The following SMC1B variants were observed in gnomAD, a reference collection of about 807,000 sequenced individuals.
SMC1B encodes the protein structural maintenance of chromosomes protein 1B.
In SMC1B, 60 loss-of-function variants were observed where a neutral mutation model predicts 157.9. The observed-to-expected ratio is 0.38, with a 90% confidence interval of 0.31 to 0.47. The LOEUF (loss-of-function observed/expected upper bound fraction) is 0.47. SMC1B is among the 20% of genes least tolerant of loss of function. SMC1B has a pLI of 0.99. For synonymous variants in SMC1B, 445 were observed against 483.0 expected (o/e 0.92, Z 1.03); for missense variants, 1,165 against 1,426.2 (o/e 0.82, Z 2.95).
At chr22:45,362,860 A>G in intron 16 of SMC1B, 25 bp downstream of exon 16, 1 of 1,573,412 alleles carries the variant, frequency 6.4e-7, no homozygotes, top group Non-Finnish European at 8.6e-7. Flanking sequence ...ATGAAGAGGC[A>G]CTTCAGCTAC....
chr22:45,372,171 A>C lies in SMC1B; in HGVS notation c.2180T>G (p.Leu727Arg), dbSNP rs2086839283. The part of the protein sequence containing the change: ...NELEMIKKKH[L>R]VAFYQEQSQL... ...CTATATTACCTGGTAAAAAGCAACAAGGTGCTTCTTCTTAATCATCTCTAG... is the reference window on the plus strand; with the variant it reads ...CTATATTACCTGGTAAAAAGCAACACGGTGCTTCTTCTTAATCATCTCTAG... Residue 727 changes from leucine (L) to arginine (R), a missense_variant, in exon 13 of 25, where the codon CTT (leucine) becomes CGT (arginine). Physicochemically the swap from Leu to Arg is moderately radical, Grantham distance 102. Coordinates refer to ENST00000357450, the MANE Select transcript of SMC1B (RefSeq NM_148674.5). 3 of 1,606,928 alleles carry C rather than the reference A, an allele frequency of 1.9e-6. No homozygotes were observed. The highest frequency in any genetic ancestry group is 2.5e-6 in the Non-Finnish European group (3 of 1,177,798).
rs867213003 is a variant in SMC1B at position 45,406,786 on chromosome 22, T to C, written c.378A>G (p.Ile126Met). The C allele has an allele frequency of 6.3e-7, 1 of 1,596,052 alleles. No homozygotes were observed. Among genetic ancestry groups the C allele is most frequent in the South Asian group, 1.2e-5 (1 of 86,622 alleles). ...VYIAELEKIGIIVKAQNCLVF... is the reference protein window; with the variant it reads ...VYIAELEKIGMIVKAQNCLVF... ...CCAAACAATTTTGTGCTTTGACTAT[T>C]ATGCCTATCTTTTCCAACTCTGCAA... is the stretch of plus-strand genomic sequence containing the variant. Residue 126 changes from isoleucine to methionine, a missense_variant, in exon 3 of 25, where the codon ATA becomes ATG. Coordinates refer to ENST00000357450, the MANE Select transcript of SMC1B (RefSeq NM_148674.5).
chr22:45,409,331 A>T (rs1372683110), intron 1 of SMC1B, among the ~76,000 whole-genome samples: 1 of 152,204 alleles, frequency 6.6e-6, no homozygotes, highest in African/African-American at 2.4e-5. Flanking sequence ...TGGCAGGCCA[A>T]GGTGAGCAGA....
chr22:45,363,549 C>T (rs1320806238), intron 15 of SMC1B, among the ~76,000 whole-genome samples: 11 of 152,016 alleles, frequency 7.2e-5, no homozygotes, highest in East Asian at 1.9e-4. Flanking sequence ...GGCTTGGTGG[C>T]GTGTACCTAC....
chr22:45,364,131 G>A (rs932075850), intron 15 of SMC1B, among the ~76,000 whole-genome samples: 1 of 152,110 alleles, frequency 6.6e-6, no homozygotes, highest in Non-Finnish European at 1.5e-5. Context: ...TTACAGGCAT[G>A]AGCCACCGCG....
intron 5 of SMC1B, among the ~76,000 whole-genome samples, chr22:45,400,641 T>C (rs1192247532): frequency 2.6e-5 from 4 of 152,154 alleles, no homozygotes; most frequent in Non-Finnish European, 4.4e-5. Context: ...GGGCTAAGCA[T>C]AGTGACTTCC....
chr22:45,403,450 C>T (rs935240729), intron 4 of SMC1B, among the ~76,000 whole-genome samples: 1 of 151,072 alleles, frequency 6.6e-6, no homozygotes, highest in Non-Finnish European at 1.5e-5. Flanking sequence ...ATCCCTGATC[C>T]TGTTTGTTTG....
intron 9 of SMC1B, among the ~76,000 whole-genome samples, chr22:45,392,539 C>G (rs1358169412): frequency 6.7e-6 from 1 of 148,900 alleles, no homozygotes; most frequent in East Asian, 2.0e-4. Context: ...ATTGGGGGAT[C>G]TAGATTTTGT....
chr22:45,384,705 G>A (rs2086972541), intron 11 of SMC1B, among the ~76,000 whole-genome samples: 1 of 149,262 alleles, frequency 6.7e-6, no homozygotes, highest in African/African-American at 2.5e-5. Context: ...GGGTGACAGA[G>A]CAAGACTCCA....
chr22:45,358,857 T>G, intron 18 of SMC1B, 62 bp from the exon 19 acceptor site: 3 of 1,094,736 alleles, frequency 2.7e-6, no homozygotes, highest in Non-Finnish European at 4.1e-6. Flanking sequence ...TGGGAGTGGT[T>G]CATGGCACTC....
chr22:45,364,824 C>CTTTTTTT (rs202166311), intron 15 of SMC1B, among the ~76,000 whole-genome samples: 6 of 105,508 alleles, frequency 5.7e-5, no homozygotes, highest in Admixed American at 1.0e-4. Context: ...ATCTCTTTTC[C>CTTTTTTT]TTTTTTTTTT....
intron 20 of SMC1B, among the ~76,000 whole-genome samples, 193 bp downstream of exon 20, chr22:45,354,766 G>C (rs2086653872): frequency 6.6e-6 from 1 of 151,956 alleles, no homozygotes; most frequent in Non-Finnish European, 1.5e-5. Flanking sequence ...AATAAACCTG[G>C]TTTTAAATTA....
rs765751410 is a variant in SMC1B, at chr22:45,402,501, T to A, written c.686A>T (p.Tyr229Phe). 1 of 1,613,936 alleles carries A rather than the reference T, an allele frequency of 6.2e-7. No individual in the cohort carries two copies. Among genetic ancestry groups the A allele is most frequent in the South Asian group, 1.1e-5 (1 of 91,078 alleles). The change falls in exon 5 of 25, where the codon TAC becomes TTC. Residue 229 changes from tyrosine to phenylalanine, a missense_variant. Coordinates refer to ENST00000357450, the MANE Select transcript of SMC1B (RefSeq NM_148674.5). ...GAGATGAATCTTTTTCTCATTATGG[T>A]ATAGTTGAAAAAGCTGCAGTTGTAT... ...NKIQLQLFQLYHNEKKIHLLN... is the reference protein window; with the variant it reads ...NKIQLQLFQLFHNEKKIHLLN...
At chr22:45,360,163 G>T (rs1285312722) in intron 17 of SMC1B, among the ~76,000 whole-genome samples, 3 of 152,086 alleles carry the variant, frequency 2.0e-5, no homozygotes, top group Non-Finnish European at 4.4e-5. Flanking sequence ...TTAATCTAAG[G>T]GAGCATTTTC....
Position 45,360,447 on chromosome 22 carries a change from A to G in SMC1B, c.2709-489T>C, listed in dbSNP as rs140591424. Among the ~76,000 whole-genome samples the G allele has an allele frequency of 8.0e-3, 1,218 of 152,336 alleles. 7 individuals are homozygous for G. Among genetic ancestry groups the G allele is most frequent in the South Asian group, 0.027 (129 of 4,826 alleles). On this transcript the variant is annotated intron_variant, in intron 17 of 24. Transcript: ENST00000357450. Reference sequence around the variant, plus strand: ...GGAACCTGGAAAAAGGACCAAAAGAAAATGGAAAAAAAAAGAAAGAAAGAA... The same window carrying G: ...GGAACCTGGAAAAAGGACCAAAAGAGAATGGAAAAAAAAAGAAAGAAAGAA...
chr22:45,407,533 C>T (rs371021205), intron 2 of SMC1B, among the ~76,000 whole-genome samples: 40 of 151,948 alleles, frequency 2.6e-4, no homozygotes, highest in African/African-American at 9.4e-4. Flanking sequence ...GCAATCTTGG[C>T]TCACTGTATC....
chr22:45,396,343 C>A lies in SMC1B; in HGVS notation c.1254+3G>T, dbSNP rs139344566. 9.1e-5 allele frequency: 146 copies of A among 1,609,708 alleles called. No homozygotes were observed. Among genetic ancestry groups the A allele is most frequent in the Non-Finnish European group, 1.2e-4 (142 of 1,178,114 alleles). On this transcript the variant is annotated splice_donor_region_variant and intron_variant, in intron 7 of 24. Transcript: ENST00000357450. ...TAAATCATTACTGTACAACCCAAGA[C>A]ACCTGAACTTCTCCATGCCTCCTCT...
At chr22:45,388,980 C>G (rs2087023073) in intron 10 of SMC1B, among the ~76,000 whole-genome samples, 1 of 107,110 alleles carries the variant, frequency 9.3e-6, no homozygotes, top group Non-Finnish European at 1.8e-5. Flanking sequence ...GAGCAAGACT[C>G]TGCCTCAAAA....
At chr22:45,354,385 A>T (rs4823290) in intron 20 of SMC1B, among the ~76,000 whole-genome samples, 2 of 87,234 alleles carry the variant, frequency 2.3e-5, no homozygotes, top group Non-Finnish European at 7.0e-5. Flanking sequence ...TATGTATGTA[A>T]GTATGTATGT....
Sources: allele counts gnomAD v4.1 joint callset (sites outside exome capture counted in the v4.1 genomes callset), GRCh38; gene constraint gnomAD v4.1.1; transcripts MANE v1.5; gene names NCBI Gene and HGNC (gene_info 2026-07-23, HGNC 2026-07-21).